Variants in AKR7A3 observed in about 807,000 individuals in gnomAD.
AKR7A3 encodes aldo-keto reductase family 7 member A3.
A neutral mutation model predicts 32.5 loss-of-function variants in AKR7A3; 37 were observed. The ratio of observed to expected loss-of-function variants is 1.14; its 90% CI spans 0.88 to 1.50. The LOEUF (loss-of-function observed/expected upper bound fraction) is 1.50, where lower values mean the gene tolerates loss of function less well. Among genes scored for constraint, AKR7A3 ranks in the 40% most tolerant of loss-of-function variants. The pLI is 0.00. For missense variants in AKR7A3, 412 were observed against 453.2 expected (o/e 0.91, Z 0.83); for synonymous variants, 177 against 188.4 (o/e 0.94, Z 0.50).
chr1:19,285,839 G>A, intron 3 of AKR7A3, 49 bp downstream of exon 3: 1 of 1,610,036 alleles, frequency 6.2e-7, no homozygotes, highest in African/African-American at 1.3e-5. Context: ...GACAGCCCAG[G>A]ATGAGCAGGA....
At position 19,286,014 on chromosome 1, in the gene AKR7A3, C is replaced by G; in HGVS notation, c.403-22G>C. The stretch of plus-strand genomic sequence containing the variant: ...TGCCCTGCTCAGGTGAGGCTCCAGT[C>G]AGAACATAGTGCAGCCCAGACCAGG... On this transcript the variant is annotated intron_variant, in intron 2 of 6. Coordinates refer to ENST00000361640, the MANE Select transcript of AKR7A3 (RefSeq NM_012067.3). 1.9e-6 allele frequency: 3 copies of G among 1,613,402 alleles called. No homozygotes were observed. The African/African-American group carries it at 4.0e-5, about 22-fold the overall frequency.
At chr1:19,287,236 A>G (rs993968113) in intron 1 of AKR7A3, among the ~76,000 whole-genome samples, 2 of 150,578 alleles carry the variant, frequency 1.3e-5, no homozygotes, top group African/African-American at 2.5e-5. Context: ...GAGCCCTGAG[A>G]GGTCAAAGCT....
At chr1:19,279,160 C>T (rs927409537), downstream of AKR7A3, among the ~76,000 whole-genome samples, 2 of 151,884 alleles carry the variant, frequency 1.3e-5, no homozygotes, top group African/African-American at 4.9e-5. Flanking sequence ...CAAGGTCTCA[C>T]TTCTATGTCC....
chr1:19,279,275 C>G (rs956249038), downstream of AKR7A3, among the ~76,000 whole-genome samples: 3 of 151,736 alleles, frequency 2.0e-5, no homozygotes, highest in Admixed American at 6.6e-5. Context: ...TTTTAACAGC[C>G]GAATAATAGT....
chr1:19,283,808 G>A (rs185636604), intron 6 of AKR7A3, among the ~76,000 whole-genome samples, 188 bp downstream of exon 6: 9 of 151,980 alleles, frequency 5.9e-5, no homozygotes, highest in African/African-American at 1.9e-4. Flanking sequence ...TCCAGCCTGG[G>A]TGACAGAGTG....
the AKR7A3 span, among the ~76,000 whole-genome samples, chr1:19,276,810 A>AT: frequency 6.6e-6 from 1 of 150,816 alleles, no homozygotes; most frequent in Admixed American, 6.6e-5. Context: ...TTAAAAAAAA[A>AT]TAACAAAAAT....
rs560945244 is a variant in AKR7A3, at chr1:19,287,237, G to A, written c.215-865C>T. 4.2e-4 allele frequency among the ~76,000 whole-genome samples: 63 copies of A among 151,278 alleles called. 1 individual carries two copies. Among genetic ancestry groups the A allele is most frequent in the African/African-American group, 1.5e-3 (62 of 40,838 alleles). On this transcript the variant is annotated intron_variant, in intron 1 of 6. Transcript: ENST00000361640. ...TGGGAGGATGGCTTGAGCCCTGAGAGGTCAAAGCTGCAATGAGCCCTATCG... is the reference window on the plus strand; with the variant it reads ...TGGGAGGATGGCTTGAGCCCTGAGAAGTCAAAGCTGCAATGAGCCCTATCG...
downstream of AKR7A3, among the ~76,000 whole-genome samples, chr1:19,281,442 G>C (rs2093718706): frequency 6.6e-6 from 1 of 151,684 alleles, no homozygotes; most frequent in Non-Finnish European, 1.5e-5. Flanking sequence ...TTCAAGACCA[G>C]CCTGGACAAC....
the AKR7A3 span, among the ~76,000 whole-genome samples, chr1:19,275,899 G>A: frequency 4.5e-4 from 68 of 151,894 alleles, no homozygotes; most frequent in South Asian, 4.6e-3. Context: ...AAATATAATC[G>A]TCAATGTATA....
At chr1:19,286,447 T>C in intron 1 of AKR7A3, 75 bp from the exon 2 acceptor site, 1 of 1,440,732 alleles carries the variant, frequency 6.9e-7, no homozygotes, top group Non-Finnish European at 9.6e-7. Context: ...TTTGGGAGAC[T>C]GAGGCAGGCA....
downstream of AKR7A3, among the ~76,000 whole-genome samples, chr1:19,282,284 G>A (rs190960645): frequency 1.3e-5 from 2 of 151,628 alleles, no homozygotes; most frequent in East Asian, 3.9e-4. Flanking sequence ...ATAGTAATGA[G>A]TGAGTTCCAG....
At chr1:19,275,519 A>C in the AKR7A3 span, among the ~76,000 whole-genome samples, 1 of 151,892 alleles carries the variant, frequency 6.6e-6, no homozygotes. Context: ...CAAAACAAAA[A>C]ATACTGGCCC....
chr1:19,277,568 C>G, the AKR7A3 span, among the ~76,000 whole-genome samples: 1 of 151,676 alleles, frequency 6.6e-6, no homozygotes, highest in African/African-American at 2.4e-5. Context: ...GTTGTACAGG[C>G]TGGAGTGCAG....
chr1:19,275,045 T>C, the AKR7A3 span, among the ~76,000 whole-genome samples: 4,265 of 151,540 alleles, frequency 0.028, 76 homozygotes, highest in South Asian at 0.053. Flanking sequence ...TTAGAATGGA[T>C]AAAAAAGCAA....
chr1:19,286,537 G>A (rs2093730842), intron 1 of AKR7A3, among the ~76,000 whole-genome samples, 165 bp from the exon 2 acceptor site: 1 of 151,752 alleles, frequency 6.6e-6, no homozygotes, highest in Non-Finnish European at 1.5e-5. Context: ...AAAATTAGCT[G>A]GGCATAGTGG....
chr1:19,280,992 C>CT (rs2093718031), downstream of AKR7A3, among the ~76,000 whole-genome samples: 1 of 151,824 alleles, frequency 6.6e-6, no homozygotes, highest in Admixed American at 6.5e-5. Context: ...TAGCCTTATG[C>CT]TAGGACCACA....
intron 3 of AKR7A3, 105 bp from the exon 4 acceptor site, chr1:19,285,219 T>C (rs2093727489): frequency 4.6e-6 from 5 of 1,084,692 alleles, no homozygotes; most frequent in African/African-American, 1.6e-5. Context: ...ATTCTAGGAC[T>C]TTAACCGTCT....
the AKR7A3 span, among the ~76,000 whole-genome samples, chr1:19,276,725 C>A: frequency 1.3e-5 from 2 of 151,708 alleles, no homozygotes; most frequent in African/African-American, 4.9e-5. Context: ...TCACTTCAAC[C>A]TGGGAGACAG....
intron 1 of AKR7A3, among the ~76,000 whole-genome samples, chr1:19,287,297 A>T (rs2093732407): frequency 7.5e-6 from 1 of 132,932 alleles, no homozygotes; most frequent in African/African-American, 3.1e-5. Flanking sequence ...AAAAAGCAAG[A>T]CCCTGTCTCA....
Sources: gnomAD v4.1 joint callset for allele counts (sites outside exome capture counted in the v4.1 genomes callset) on GRCh38, gnomAD v4.1.1 for gene constraint, MANE v1.5 for transcripts, NCBI Gene and HGNC (gene_info 2026-07-23, HGNC 2026-07-21) for gene names.